CALN1: variants seen among roughly 807,000 people sequenced by gnomAD.
CALN1 encodes the protein calcium-binding protein 8.
Under a neutral mutation model 30.6 loss-of-function variants are expected in CALN1, and 17 were observed. The observed-to-expected ratio is 0.56, with a 90% CI of 0.38 to 0.83. The LOEUF (loss-of-function observed/expected upper bound fraction) is 0.83, where lower values mean the gene tolerates loss of function less well. Among genes scored for constraint, CALN1 ranks in the 40% least tolerant of loss-of-function variants. The pLI, the probability that CALN1 is intolerant of heterozygous loss-of-function variation, is 0.00. For missense variants in CALN1, 291 were observed against 354.9 expected, an observed-to-expected ratio of 0.82 and a Z score of 1.45; for synonymous variants, 156 against 131.4, an observed-to-expected ratio of 1.19 and a Z score of -1.28.
At chr7:72,046,090 A>G (rs984591568) in intron 4 of CALN1, among the ~76,000 whole-genome samples, 7 of 151,744 alleles carry the variant, frequency 4.6e-5, no homozygotes, top group African/African-American at 1.7e-4. Context: ...AGGCAGGAGA[A>G]TTGCTTGAGC....
intron 1 of CALN1, among the ~76,000 whole-genome samples, chr7:72,421,810 G>T (rs1012205494): frequency 2.6e-5 from 4 of 151,724 alleles, no homozygotes; most frequent in Admixed American, 6.6e-5. Flanking sequence ...GGCTGGTCTC[G>T]ATCTCCTGAC....
rs565175126 is a variant in CALN1, at chr7:72,362,618, T to C, written c.119+40633A>G. Among the ~76,000 whole-genome samples the C allele has an allele frequency of 1.6e-4, 25 of 152,296 alleles. No individual in the cohort carries two copies. In the South Asian group the frequency reaches 2.5e-3, roughly 15 times the overall value. On this transcript the variant is annotated intron_variant, in intron 2 of 6. Transcript: ENST00000395275. ...TCCAGAGGCCTCTCATCTCACACTC[T>C]TTTACCGCAAGTTCTCTCTACCCCT...
chr7:71,789,009 C>A (rs927095802), intron 6 of CALN1, among the ~76,000 whole-genome samples: 4 of 152,028 alleles, frequency 2.6e-5, no homozygotes, highest in African/African-American at 7.2e-5. Flanking sequence ...TGCTATGTTG[C>A]CCAGTATAAT....
chr7:71,800,934 T>C (rs914340431), intron 6 of CALN1, among the ~76,000 whole-genome samples: 2 of 152,188 alleles, frequency 1.3e-5, no homozygotes, highest in Non-Finnish European at 2.9e-5. Context: ...CAGCCCCGCA[T>C]GCATTAGCTA....
At position 72,396,258 on chromosome 7, in the gene CALN1, G is replaced by GAAAGAA. The variant is rs71069066; in HGVS notation, c.119+6987_119+6992dup. 6.6e-3 allele frequency among the ~76,000 whole-genome samples: 721 copies of GAAAGAA among 109,526 alleles called. 22 individuals are homozygous for GAAAGAA. Among genetic ancestry groups the GAAAGAA allele is most frequent in the African/African-American group, 0.022 (594 of 26,772 alleles). 71.9% of individuals were successfully genotyped at this position (109,526 alleles called of 152,430 possible). Reference sequence around the variant, plus strand: ...ACTAAAAAAAAAAAAAAAAAAAAAAGAAAGAAAAAGAAAAATTAGCTGGGT... The same window carrying GAAAGAA: ...ACTAAAAAAAAAAAAAAAAAAAAAAGAAAGAAAAAGAAAAAGAAAAATTAGCTGGGT... On this transcript the variant is annotated intron_variant, in intron 2 of 6. Coordinates refer to ENST00000395275, the MANE Select transcript of CALN1 (RefSeq NM_031468.4).
intron 5 of CALN1, among the ~76,000 whole-genome samples, chr7:71,957,042 CGGGAG>C (rs1562934862): frequency 1.3e-5 from 2 of 152,022 alleles, no homozygotes; most frequent in African/African-American, 4.8e-5. Context: ...TCTCCCTTCA[CGGGAG>C]CTTTATGAAT....
chr7:72,400,121 T>C (rs1377624478), intron 2 of CALN1, among the ~76,000 whole-genome samples: 2 of 152,094 alleles, frequency 1.3e-5, no homozygotes, highest in Non-Finnish European at 2.9e-5. Context: ...GGTATTCCTT[T>C]ATAGCAGCAC....
At chr7:71,954,756 G>A (rs571330568) in intron 5 of CALN1, among the ~76,000 whole-genome samples, 1 of 152,340 alleles carries the variant, frequency 6.6e-6, no homozygotes, top group Admixed American at 6.5e-5. Flanking sequence ...GGAATGGTAA[G>A]AATGAAAATC....
At chr7:71,982,726 G>A (rs1798465463) in intron 5 of CALN1, among the ~76,000 whole-genome samples, 1 of 152,174 alleles carries the variant, frequency 6.6e-6, no homozygotes, top group African/African-American at 2.4e-5. Flanking sequence ...TGAGGGTAAG[G>A]AAGTCCTCAG....
intron 4 of CALN1, among the ~76,000 whole-genome samples, chr7:72,079,275 C>T (rs1489857297): frequency 2.0e-5 from 3 of 152,080 alleles, no homozygotes; most frequent in Non-Finnish European, 4.4e-5. Flanking sequence ...GAAATGAGAA[C>T]AATAAAAGAA....
At chr7:72,405,360 G>T (rs1806628793) in intron 1 of CALN1, among the ~76,000 whole-genome samples, 1 of 152,192 alleles carries the variant, frequency 6.6e-6, no homozygotes, top group African/African-American at 2.4e-5. Context: ...ATAGCCTAGG[G>T]ATGATCTGAG....
chr7:72,350,258 A>G (rs749142606), intron 2 of CALN1, among the ~76,000 whole-genome samples: 3 of 152,194 alleles, frequency 2.0e-5, no homozygotes, highest in African/African-American at 4.8e-5. Context: ...CAGAACAAGC[A>G]CTTCACCCAG....
chr7:71,998,214 C>T (rs761626990), intron 5 of CALN1, among the ~76,000 whole-genome samples: 30 of 151,974 alleles, frequency 2.0e-4, no homozygotes, highest in Non-Finnish European at 3.5e-4. Context: ...AAAAAATTTA[C>T]CATGATCAGA....
chr7:72,368,342 T>C (rs1239150837), intron 2 of CALN1, among the ~76,000 whole-genome samples: 1 of 151,534 alleles, frequency 6.6e-6, no homozygotes, highest in African/African-American at 2.4e-5. Context: ...TTTTTACATA[T>C]ATACACAAAG....
intron 2 of CALN1, among the ~76,000 whole-genome samples, chr7:72,303,248 G>C (rs570107038): frequency 6.6e-6 from 1 of 152,098 alleles, no homozygotes; most frequent in African/African-American, 2.4e-5. Flanking sequence ...GACCACAGTG[G>C]GGGCAGGTGT....
At chr7:72,368,101 A>G (rs1271691165) in intron 2 of CALN1, among the ~76,000 whole-genome samples, 1 of 152,066 alleles carries the variant, frequency 6.6e-6, no homozygotes, top group Non-Finnish European at 1.5e-5. Flanking sequence ...AGCATGGGCG[A>G]CAAAGCGAAG....
intron 3 of CALN1, among the ~76,000 whole-genome samples, chr7:72,241,083 C>G (rs959461406): frequency 1.3e-4 from 20 of 152,182 alleles, no homozygotes; most frequent in Non-Finnish European, 2.5e-4. Flanking sequence ...TCCAATCTAG[C>G]CTTTACTACA....
At chr7:72,083,020 G>A (rs1172794148) in intron 4 of CALN1, among the ~76,000 whole-genome samples, 1 of 151,774 alleles carries the variant, frequency 6.6e-6, no homozygotes, top group African/African-American at 2.4e-5. Flanking sequence ...GGCCAACTTG[G>A]CGAAACCCTG....
intron 5 of CALN1, among the ~76,000 whole-genome samples, chr7:71,929,975 T>C (rs891758556): frequency 6.6e-6 from 1 of 152,210 alleles, no homozygotes; most frequent in Non-Finnish European, 1.5e-5. Flanking sequence ...GCATCTTATA[T>C]AAAATGATGT....
Sources: gnomAD v4.1 joint callset for allele counts (sites outside exome capture counted in the v4.1 genomes callset) on GRCh38, gnomAD v4.1.1 for gene constraint, MANE v1.5 for transcripts, NCBI Gene and HGNC (gene_info 2026-07-23, HGNC 2026-07-21) for gene names.